The following PRKD1 variants were observed in gnomAD, a reference collection of about 807,000 sequenced individuals.
PRKD1 encodes the protein serine/threonine-protein kinase D1.
In PRKD1, 63 loss-of-function variants were observed where a neutral mutation model predicts 95.9. That is an observed-to-expected ratio of 0.66 (90% CI 0.54 to 0.81). The LOEUF is 0.81. Ranked by LOEUF, PRKD1 falls within the 30% of genes least tolerant of loss-of-function variation. PRKD1 has a pLI of 0.00. For synonymous variants in PRKD1, 425 were observed against 423.1 expected, an observed-to-expected ratio of 1.00 and a Z score of -0.05; for missense variants, 1,048 against 1,165.3, an observed-to-expected ratio of 0.90 and a Z score of 1.47.
intron 2 of PRKD1, among the ~76,000 whole-genome samples, chr14:29,722,891 G>T (rs564980992): frequency 6.4e-4 from 98 of 152,192 alleles, no homozygotes; most frequent in South Asian, 5.2e-3. Context: ...AAAAGAAATA[G>T]AAAAATATGG....
At chr14:29,871,228 T>C (rs1893094925) in intron 1 of PRKD1, among the ~76,000 whole-genome samples, 1 of 152,244 alleles carries the variant, frequency 6.6e-6, no homozygotes, top group African/African-American at 2.4e-5. Context: ...GGGTATGGAA[T>C]ACTCTCCACG....
Position 29,597,488 on chromosome 14 carries a change from T to C in PRKD1, c.2434+3A>G, listed in dbSNP as rs1893350797. ...ATTATCATTTTTGAATGGAAGATAT[T>C]ACCTTCATGAGATATTTCCTTCCAG... is the stretch of plus-strand genomic sequence containing the variant. On this transcript the variant is annotated splice_donor_region_variant and intron_variant, in intron 16 of 17. Transcript: ENST00000331968. 6.3e-7 allele frequency: 1 copy of C among 1,589,344 alleles called. No homozygotes were observed. The highest frequency in any genetic ancestry group is 8.6e-7 in the Non-Finnish European group (1 of 1,161,476).
chr14:29,896,512 G>T (rs1296694462), intron 1 of PRKD1, among the ~76,000 whole-genome samples: 1 of 152,044 alleles, frequency 6.6e-6, no homozygotes, highest in Non-Finnish European at 1.5e-5. Flanking sequence ...TAAATCATCA[G>T]AAAAATAAAG....
rs552156393 is a variant in PRKD1, at chr14:29,627,047, A to G, written c.1726-491T>C. Among the ~76,000 whole-genome samples, 8 of 152,328 alleles carry G rather than the reference A, an allele frequency of 5.3e-5. No individual in the cohort carries two copies. The East Asian group carries it at 1.5e-3, about 29-fold the overall frequency. Reference sequence around the variant, plus strand: ...ACTCTTTAATTAATGTAATAACGTAATGTTACGAAAACTGTTCTGATCTTA... The same window carrying G: ...ACTCTTTAATTAATGTAATAACGTAGTGTTACGAAAACTGTTCTGATCTTA... On this transcript the variant is annotated intron_variant, in intron 11 of 17. Transcript: ENST00000331968.
At chr14:29,611,958 T>C (rs1215948811) in intron 13 of PRKD1, among the ~76,000 whole-genome samples, 1 of 152,168 alleles carries the variant, frequency 6.6e-6, no homozygotes, top group Non-Finnish European at 1.5e-5. Context: ...AGATTTTAAG[T>C]GTAATTTTTG....
chr14:29,896,250 A>T (rs1894120020), intron 1 of PRKD1, among the ~76,000 whole-genome samples: 2 of 152,278 alleles, frequency 1.3e-5, no homozygotes, highest in South Asian at 4.1e-4. Flanking sequence ...TATGTAATTA[A>T]TATATGACAC....
intron 1 of PRKD1, among the ~76,000 whole-genome samples, chr14:29,873,604 C>A (rs980756182): frequency 2.0e-5 from 3 of 152,022 alleles, no homozygotes; most frequent in African/African-American, 7.2e-5. Flanking sequence ...GCTTTCAGTG[C>A]AAAAGGTCCT....
At chr14:29,861,402 T>C (rs1023121644) in intron 1 of PRKD1, among the ~76,000 whole-genome samples, 2 of 152,210 alleles carry the variant, frequency 1.3e-5, no homozygotes, top group Admixed American at 6.5e-5. Context: ...ATTGTATTTA[T>C]AATTTTTTTA....
chr14:29,636,039 A>G, intron 7 of PRKD1, among the ~76,000 whole-genome samples: 1 of 32,812 alleles, frequency 3.0e-5, no homozygotes, highest in East Asian at 6.9e-4. Context: ...AGCATCTCTC[A>G]CATGCAAAAA....
chr14:29,874,971 A>C (rs1482483259), intron 1 of PRKD1, among the ~76,000 whole-genome samples: 2 of 152,212 alleles, frequency 1.3e-5, no homozygotes, highest in Non-Finnish European at 2.9e-5. Context: ...CACATTTCAA[A>C]GTAGCTAGAA....
At chr14:29,786,677 G>A (rs556905602) in intron 1 of PRKD1, among the ~76,000 whole-genome samples, 4 of 152,136 alleles carry the variant, frequency 2.6e-5, no homozygotes, top group African/African-American at 9.6e-5. Context: ...TGTGGTATCA[G>A]CTGTAATGTT....
intron 1 of PRKD1, among the ~76,000 whole-genome samples, chr14:29,909,074 G>A (rs1189011237): frequency 9.8e-5 from 15 of 152,288 alleles, no homozygotes; most frequent in African/African-American, 2.2e-4. Flanking sequence ...TGGGCTTGGC[G>A]GGCCCCACAC....
intron 1 of PRKD1, among the ~76,000 whole-genome samples, chr14:29,906,532 C>CAA (rs199826591): frequency 0.071 from 9,860 of 138,976 alleles, 562 homozygotes; most frequent in African/African-American, 0.16. Context: ...TCAATTTAAC[C>CAA]AAAAAAAAAA....
intron 1 of PRKD1, among the ~76,000 whole-genome samples, chr14:29,733,142 G>A (rs1398225777): frequency 6.9e-6 from 1 of 144,502 alleles, no homozygotes; most frequent in Non-Finnish European, 1.5e-5. Context: ...TCGCTCTGCC[G>A]CCCAGGCTGG....
At chr14:29,587,256 T>C (rs2138974064) in intron 16 of PRKD1, among the ~76,000 whole-genome samples, 1 of 152,370 alleles carries the variant, frequency 6.6e-6, no homozygotes, top group East Asian at 1.9e-4. Context: ...AACAATTTGG[T>C]AATATTCTAG....
intron 1 of PRKD1, among the ~76,000 whole-genome samples, chr14:29,876,291 C>T (rs923487730): frequency 2.0e-5 from 3 of 152,062 alleles, no homozygotes; most frequent in Non-Finnish European, 2.9e-5. Context: ...TTTGGAAAGG[C>T]AAAACCATGG....
chr14:29,767,929 A>T (rs978641377), intron 1 of PRKD1, among the ~76,000 whole-genome samples: 4 of 152,172 alleles, frequency 2.6e-5, no homozygotes, highest in African/African-American at 4.8e-5. Flanking sequence ...ATTTATCTTC[A>T]TTGTTTCAAG....
rs558632645 is a variant in PRKD1, at chr14:29,679,927, A to T, written c.404-13719T>A. Among the ~76,000 whole-genome samples the T allele has an allele frequency of 2.0e-5, 3 of 152,210 alleles. No individual in the cohort carries two copies. In the South Asian group the frequency reaches 6.2e-4, roughly 32 times the overall value. On this transcript the variant is annotated intron_variant, in intron 2 of 17. Coordinates refer to ENST00000331968, the MANE Select transcript of PRKD1 (RefSeq NM_002742.3). ...ATGGAAGGTACAAATCTTGGCTTGAACAAGAAATAGAATTTCTTAGGTAGA... is the reference window on the plus strand; with the variant it reads ...ATGGAAGGTACAAATCTTGGCTTGATCAAGAAATAGAATTTCTTAGGTAGA...
In PRKD1 at chr14:29,627,053, C is replaced by T. The variant is rs574209561; in HGVS notation, c.1726-497G>A. Among the ~76,000 whole-genome samples the T allele has an allele frequency of 3.3e-5, 5 of 152,258 alleles. No individual in the cohort carries two copies. The East Asian group carries it at 5.8e-4, about 18-fold the overall frequency. ...TAATTAATGTAATAACGTAATGTTA[C>T]GAAAACTGTTCTGATCTTAAGTGGC... is the stretch of plus-strand genomic sequence containing the variant. On this transcript the variant is annotated intron_variant, in intron 11 of 17. Coordinates refer to ENST00000331968, the MANE Select transcript of PRKD1 (RefSeq NM_002742.3).
Sources: allele counts gnomAD v4.1 joint callset (sites outside exome capture counted in the v4.1 genomes callset), GRCh38; gene constraint gnomAD v4.1.1; transcripts MANE v1.5; gene names NCBI Gene and HGNC (gene_info 2026-07-23, HGNC 2026-07-21).